Variants in AIM2 observed in about 807,000 individuals in gnomAD.
AIM2 encodes the protein absent in melanoma 2, also known as interferon-inducible protein AIM2.
In AIM2, 30 loss-of-function variants were observed where a neutral mutation model predicts 27.7. The observed-to-expected ratio is 1.08, with a 90% CI of 0.81 to 1.47. The LOEUF is 1.47. AIM2 is among the 40% of genes most tolerant of loss of function. AIM2 has a pLI of 0.00. For missense variants in AIM2, 358 were observed against 411.3 expected (o/e 0.87, Z 1.12); for synonymous variants, 141 against 145.3 (o/e 0.97, Z 0.21).
chr1:159,084,044 C>T (rs1341177053), intron 1 of AIM2, among the ~76,000 whole-genome samples: 1 of 152,172 alleles, frequency 6.6e-6, no homozygotes, highest in Non-Finnish European at 1.5e-5. Flanking sequence ...TCATGTAACC[C>T]TACCACTCTA....
upstream of AIM2, among the ~76,000 whole-genome samples, chr1:159,141,983 C>T (rs567839712): frequency 4.6e-5 from 7 of 152,244 alleles, no homozygotes; most frequent in South Asian, 2.1e-4. Context: ...AGGGATGATA[C>T]GAAAATCTCT....
downstream of AIM2, among the ~76,000 whole-genome samples, chr1:159,062,194 A>G (rs1655859300): frequency 6.6e-6 from 1 of 152,198 alleles, no homozygotes; most frequent in Admixed American, 6.5e-5. Flanking sequence ...CAATAACACA[A>G]AATTGTGTTA....
At chr1:159,098,842 GA>G (rs1340370726) in intron 1 of AIM2, among the ~76,000 whole-genome samples, 1 of 152,152 alleles carries the variant, frequency 6.6e-6, no homozygotes, top group African/African-American at 2.4e-5. Context: ...AGCGGAGGAA[GA>G]TAATAGACAA....
At chr1:159,076,561 C>T (rs1173508859) in intron 1 of AIM2, 72 bp downstream of exon 1, 1 of 152,210 alleles carries the variant, frequency 6.6e-6, no homozygotes, top group Non-Finnish European at 1.5e-5. Context: ...GCTGGCCTTT[C>T]CTCAGTTGTC....
chr1:159,106,057 A>G (rs1266702176), intron 1 of AIM2, among the ~76,000 whole-genome samples: 1 of 152,130 alleles, frequency 6.6e-6, no homozygotes, highest in Non-Finnish European at 1.5e-5. Context: ...CTCAGCTACA[A>G]CTTTGCTCCA....
chr1:159,085,545 G>T (rs536890830), intron 1 of AIM2, among the ~76,000 whole-genome samples: 1 of 152,164 alleles, frequency 6.6e-6, no homozygotes, highest in Non-Finnish European at 1.5e-5. Context: ...ATATGTAAAT[G>T]GAGATGTTTA....
chr1:159,085,282 T>C (rs1192424926), intron 1 of AIM2, among the ~76,000 whole-genome samples: 1 of 152,024 alleles, frequency 6.6e-6, no homozygotes, highest in Non-Finnish European at 1.5e-5. Flanking sequence ...GTCTTCTGAG[T>C]TGGGGACGTG....
At chr1:159,132,390 A>C (rs2102051253) in intron 1 of AIM2, 1 of 151,962 alleles carries the variant, frequency 6.6e-6, no homozygotes, top group South Asian at 2.1e-4. Context: ...GTCTCAAAGA[A>C]AAAAAAATGA....
At chr1:159,100,544 G>T (rs1657289853) in intron 1 of AIM2, among the ~76,000 whole-genome samples, 5 of 152,178 alleles carry the variant, frequency 3.3e-5, no homozygotes. Flanking sequence ...AAAGGTGGAG[G>T]CAGGAATAAG....
Position 159,130,843 on chromosome 1 carries a change from C to T in AIM2, c.-16+9588G>A, listed in dbSNP as rs202143238. Among the ~76,000 whole-genome samples the T allele has an allele frequency of 5.8e-4, 85 of 145,768 alleles. No homozygotes were observed. In the East Asian group the frequency reaches 7.3e-3, roughly 13 times the overall value. On this transcript the variant is annotated intron_variant, in intron 1 of 2. Coordinates refer to the AIM2 transcript ENST00000368129. ...ACACACACACACACACACACACACACGCACGCACTCTTCAAATCTGTCATT... is the reference window on the plus strand; with the variant it reads ...ACACACACACACACACACACACACATGCACGCACTCTTCAAATCTGTCATT...
At chr1:159,122,712 AT>A (rs1363457325) in intron 1 of AIM2, among the ~76,000 whole-genome samples, 2 of 152,222 alleles carry the variant, frequency 1.3e-5, no homozygotes, top group African/African-American at 4.8e-5. Flanking sequence ...CTGAGTCAAA[AT>A]TGTGAAGTCA....
chr1:159,130,673 C>T (rs186398554), intron 1 of AIM2, among the ~76,000 whole-genome samples: 1 of 152,052 alleles, frequency 6.6e-6, no homozygotes, highest in East Asian at 1.9e-4. Flanking sequence ...TTCTCTAATA[C>T]AAGCCAACAC....
intron 1 of AIM2, among the ~76,000 whole-genome samples, chr1:159,083,956 T>C (rs532304724): frequency 2.0e-5 from 3 of 152,340 alleles, no homozygotes; most frequent in Non-Finnish European, 2.9e-5. Flanking sequence ...GAGTCCCTAA[T>C]TGCCTCTGGC....
At chr1:159,060,759 T>C (rs750588625), downstream of AIM2, among the ~76,000 whole-genome samples, 2 of 152,242 alleles carry the variant, frequency 1.3e-5, no homozygotes, top group African/African-American at 2.4e-5. Context: ...TTCAATTATG[T>C]GGATCTACCA....
chr1:159,089,081 G>A (rs942337277), intron 1 of AIM2, among the ~76,000 whole-genome samples: 3 of 152,004 alleles, frequency 2.0e-5, no homozygotes, highest in South Asian at 4.1e-4. Context: ...AAACACTGAC[G>A]AATTTCTTAA....
chr1:159,087,432 T>C (rs377617723), intron 1 of AIM2, among the ~76,000 whole-genome samples: 2 of 152,026 alleles, frequency 1.3e-5, no homozygotes, highest in South Asian at 2.1e-4. Flanking sequence ...AAGACAAGGA[T>C]GGGGGGATCA....
intron 1 of AIM2, among the ~76,000 whole-genome samples, chr1:159,075,471 C>A (rs143103671): frequency 3.1e-4 from 47 of 151,180 alleles, no homozygotes; most frequent in African/African-American, 1.1e-3. Flanking sequence ...CACACACATC[C>A]GTGCACACAC....
At chr1:159,085,310 A>G (rs1656881853) in intron 1 of AIM2, among the ~76,000 whole-genome samples, 1 of 152,312 alleles carries the variant, frequency 6.6e-6, no homozygotes, top group Middle Eastern at 3.4e-3. Context: ...TTACATGTGA[A>G]TTATTTAAAA....
intron 1 of AIM2, among the ~76,000 whole-genome samples, chr1:159,111,053 T>G (rs1406945440): frequency 6.6e-6 from 1 of 152,074 alleles, no homozygotes; most frequent in Non-Finnish European, 1.5e-5. Context: ...AATCTAGTAT[T>G]TAGCATCTAC....
Sources: gnomAD v4.1 joint callset for allele counts (sites outside exome capture counted in the v4.1 genomes callset) on GRCh38, gnomAD v4.1.1 for gene constraint, MANE v1.5 for transcripts, NCBI Gene and HGNC (gene_info 2026-07-23, HGNC 2026-07-21) for gene names.